Variants in CTIF observed in about 807,000 individuals in gnomAD.
The protein encoded by CTIF is cap binding complex dependent translation initiation factor, also known as CBP80/20-dependent translation initiation factor.
A neutral mutation model predicts 66.0 loss-of-function variants in CTIF; 21 were observed. The observed-to-expected ratio is 0.32, with a 90% CI of 0.23 to 0.46. The LOEUF is 0.46. Ranked by LOEUF, CTIF falls within the 20% of genes least tolerant of loss-of-function variation. The probability of loss-of-function intolerance (pLI) is 1.00; values close to 1 mark genes in which losing one functional copy is unlikely to be tolerated. For missense variants in CTIF, 739 were observed against 812.7 expected, an observed-to-expected ratio of 0.91 and a Z score of 1.10; for synonymous variants, 345 against 326.4, an observed-to-expected ratio of 1.06 and a Z score of -0.62.
intron 1 of CTIF, among the ~76,000 whole-genome samples, chr18:48,553,935 A>C (rs1053383368): frequency 2.6e-5 from 4 of 152,078 alleles, no homozygotes; most frequent in Non-Finnish European, 5.9e-5. Context: ...TGCTGGGATT[A>C]CAGGCATGAG....
chr18:48,569,751 T>C (rs573006559), intron 1 of CTIF, among the ~76,000 whole-genome samples: 11 of 152,164 alleles, frequency 7.2e-5, no homozygotes, highest in Non-Finnish European at 4.4e-5. Context: ...TCAACTTTGC[T>C]CCCCAGTGTC....
intron 2 of CTIF, among the ~76,000 whole-genome samples, chr18:48,635,731 C>T (rs1221418253): frequency 6.6e-6 from 1 of 152,184 alleles, no homozygotes; most frequent in Non-Finnish European, 1.5e-5. Context: ...CTATCATATA[C>T]CTGGATAGCA....
chr18:48,765,945 T>A (rs1909484429), intron 9 of CTIF, among the ~76,000 whole-genome samples: 1 of 138,414 alleles, frequency 7.2e-6, no homozygotes, highest in Non-Finnish European at 1.6e-5. Context: ...ATTTTATTTT[T>A]TAATCATTTT....
chr18:48,571,781 T>C lies in CTIF; in HGVS notation c.-29+32469T>C, dbSNP rs1393885807. On this transcript the variant is annotated intron_variant, in intron 1 of 11. Coordinates refer to ENST00000256413, the MANE Select transcript of CTIF (RefSeq NM_014772.3). ...TGTGTAGTCAAAGGCAAATCACTCT[T>C]GGCTCCTGGCCTCAGGGAGCCTGGA... Among the ~76,000 whole-genome samples, 8 of 152,096 alleles carry C rather than the reference T, an allele frequency of 5.3e-5. No homozygotes were observed. The South Asian group carries it at 1.2e-3, about 24-fold the overall frequency.
At chr18:48,801,785 T>C (rs2068054651) in intron 9 of CTIF, among the ~76,000 whole-genome samples, 1 of 152,224 alleles carries the variant, frequency 6.6e-6, no homozygotes, top group African/African-American at 2.4e-5. Flanking sequence ...GGATCCCAGA[T>C]GCCATTTCTG....
chr18:48,690,755 G>A (rs1422176992), intron 6 of CTIF, among the ~76,000 whole-genome samples: 1 of 151,932 alleles, frequency 6.6e-6, no homozygotes, highest in Non-Finnish European at 1.5e-5. Context: ...CCTCTTCCAA[G>A]CTGCATGGAC....
intron 10 of CTIF, among the ~76,000 whole-genome samples, chr18:48,839,578 C>G (rs1414494622): frequency 6.6e-6 from 1 of 152,194 alleles, no homozygotes; most frequent in Non-Finnish European, 1.5e-5. Flanking sequence ...GAAACTGAGA[C>G]ACAGAGGGGT....
intron 10 of CTIF, among the ~76,000 whole-genome samples, chr18:48,823,637 G>C (rs2068526994): frequency 6.6e-6 from 1 of 152,084 alleles, no homozygotes; most frequent in South Asian, 2.1e-4. Context: ...AGATTGCTTT[G>C]GCTATTTGGG....
At chr18:48,629,988 T>C (rs2090673175) in intron 2 of CTIF, among the ~76,000 whole-genome samples, 1 of 152,192 alleles carries the variant, frequency 6.6e-6, no homozygotes, top group Admixed American at 6.5e-5. Context: ...CTTTCCATGG[T>C]TTTAGTTACC....
At chr18:48,812,346 A>G (rs748126391) in intron 9 of CTIF, among the ~76,000 whole-genome samples, 1 of 152,180 alleles carries the variant, frequency 6.6e-6, no homozygotes. Flanking sequence ...GAACTTGCTT[A>G]TGTAAGATCT....
chr18:48,751,665 G>A (rs535130028), intron 7 of CTIF, among the ~76,000 whole-genome samples: 27 of 152,284 alleles, frequency 1.8e-4, no homozygotes, highest in African/African-American at 5.5e-4. Context: ...TGGAGGGCTC[G>A]GGCAGGACCC....
intron 3 of CTIF, among the ~76,000 whole-genome samples, chr18:48,661,543 GTC>G (rs1337610700): frequency 6.6e-6 from 1 of 152,194 alleles, no homozygotes; most frequent in Non-Finnish European, 1.5e-5. Flanking sequence ...TAGAAGGTGA[GTC>G]TCTCTAGCTG....
chr18:48,636,752 G>A (rs1048559245), intron 3 of CTIF, 67 bp downstream of exon 3: 34 of 1,232,534 alleles, frequency 2.8e-5, no homozygotes, highest in South Asian at 1.6e-4. Flanking sequence ...TTCCTGGGCC[G>A]GCCCACAGTG....
intron 6 of CTIF, among the ~76,000 whole-genome samples, chr18:48,696,068 A>G (rs1017115925): frequency 6.6e-6 from 1 of 152,248 alleles, no homozygotes; most frequent in Non-Finnish European, 1.5e-5. Flanking sequence ...GCAAAGGCCC[A>G]AGCCGCCTCC....
At chr18:48,771,188 C>G (rs1599013711) in intron 9 of CTIF, among the ~76,000 whole-genome samples, 1 of 152,230 alleles carries the variant, frequency 6.6e-6, no homozygotes, top group Non-Finnish European at 1.5e-5. Flanking sequence ...TGAACATTTA[C>G]CATGTGTCCC....
At chr18:48,563,343 C>T (rs1423560272) in intron 1 of CTIF, among the ~76,000 whole-genome samples, 1 of 152,246 alleles carries the variant, frequency 6.6e-6, no homozygotes, top group Non-Finnish European at 1.5e-5. Context: ...CTTTTGTATT[C>T]ATCTCTCTGG....
intron 7 of CTIF, among the ~76,000 whole-genome samples, chr18:48,713,788 T>G (rs2092252827): frequency 6.6e-6 from 1 of 152,128 alleles, no homozygotes; most frequent in Non-Finnish European, 1.5e-5. Flanking sequence ...GAAGTCAGCT[T>G]GGATGGAAGA....
At chr18:48,733,758 C>A (rs1409990780) in intron 7 of CTIF, among the ~76,000 whole-genome samples, 1 of 152,248 alleles carries the variant, frequency 6.6e-6, no homozygotes. Flanking sequence ...CAGGCCACGC[C>A]TGTGGGGACC....
intron 1 of CTIF, among the ~76,000 whole-genome samples, chr18:48,555,933 C>T (rs977355431): frequency 6.6e-6 from 1 of 152,146 alleles, no homozygotes; most frequent in South Asian, 2.1e-4. Flanking sequence ...AGAGAGAAAC[C>T]CTGAGCATGC....
Sources: gnomAD v4.1 joint callset for allele counts (sites outside exome capture counted in the v4.1 genomes callset) on GRCh38, gnomAD v4.1.1 for gene constraint, MANE v1.5 for transcripts, NCBI Gene and HGNC (gene_info 2026-07-23, HGNC 2026-07-21) for gene names.